The following PARD3B variants were observed in gnomAD, a reference collection of about 807,000 sequenced individuals.
PARD3B encodes par-3 family cell polarity regulator beta.
Under a neutral mutation model 130.2 loss-of-function variants are expected in PARD3B, and 103 were observed. That is an observed-to-expected ratio of 0.79 (90% CI 0.67 to 0.93). The LOEUF (loss-of-function observed/expected upper bound fraction) is 0.93, where lower values mean the gene tolerates loss of function less well. Among genes scored for constraint, PARD3B ranks in the 40% least tolerant of loss-of-function variants. PARD3B has a pLI of 0.00. For missense variants in PARD3B, 1,609 were observed against 1,499.2 expected, an observed-to-expected ratio of 1.07 and a Z score of -1.21; for synonymous variants, 583 against 553.2, an observed-to-expected ratio of 1.05 and a Z score of -0.76.
At chr2:205,394,737 C>T (rs541491153) in intron 18 of PARD3B, among the ~76,000 whole-genome samples, 1 of 152,284 alleles carries the variant, frequency 6.6e-6, no homozygotes, top group South Asian at 2.1e-4. Context: ...ATAAGCCAGA[C>T]ACAAACGAAT....
In PARD3B at chr2:205,301,316, A is replaced by G. The variant is rs2041988480; in HGVS notation, c.2393-148A>G. On this transcript the variant is annotated intron_variant, in intron 17 of 22. Coordinates refer to ENST00000406610, the MANE Select transcript of PARD3B (RefSeq NM_001302769.2). This position sits in a 1 kb window ranked among gnomAD's most constrained non-coding sequence, Gnocchi z 5.2. Reference sequence around the variant, plus strand: ...GAAGTAACCAGATTTAGGCAGTCAGATCTTCAAAGGGCGCACGTAACCACA... The same window carrying G: ...GAAGTAACCAGATTTAGGCAGTCAGGTCTTCAAAGGGCGCACGTAACCACA... 1 of 1,361,652 alleles carries G rather than the reference A, an allele frequency of 7.3e-7. No homozygotes were observed. Among genetic ancestry groups the G allele is most frequent in the South Asian group, 1.6e-5 (1 of 63,536 alleles). 84.3% of individuals were successfully genotyped at this position (1,361,652 alleles called of 1,614,324 possible).
intron 21 of PARD3B, among the ~76,000 whole-genome samples, chr2:205,548,352 A>G (rs1235734176): frequency 4.6e-5 from 7 of 152,094 alleles, no homozygotes; most frequent in Non-Finnish European, 1.0e-4. Flanking sequence ...GACATGTCTC[A>G]AGTCAGTTTA....
At chr2:205,145,766 G>C (rs1383381290) in intron 10 of PARD3B, among the ~76,000 whole-genome samples, 3 of 145,390 alleles carry the variant, frequency 2.1e-5, no homozygotes, top group Non-Finnish European at 3.0e-5. Flanking sequence ...TGCATACTCT[G>C]TCTCCCTCTC....
intron 10 of PARD3B, among the ~76,000 whole-genome samples, chr2:205,131,826 T>C (rs1331710336): frequency 6.6e-6 from 1 of 152,166 alleles, no homozygotes; most frequent in East Asian, 1.9e-4. Context: ...TAGTGCTATT[T>C]TGAATAAGTT....
chr2:205,458,677 A>G lies in PARD3B; in HGVS notation c.3044+18005A>G, dbSNP rs2048351729. ...GTCTAATAATGTCACTATCTGAATA[A>G]TGTCACTATCTGAACTGTGGGTCTG... is the stretch of plus-strand genomic sequence containing the variant. On this transcript the variant is annotated intron_variant, in intron 20 of 22. Coordinates refer to ENST00000406610, the MANE Select transcript of PARD3B (RefSeq NM_001302769.2). The surrounding 1 kb of genome is among the most constrained non-coding windows in gnomAD (Gnocchi z 4.8). Among the ~76,000 whole-genome samples, 1 of 152,138 alleles carries G rather than the reference A, an allele frequency of 6.6e-6. No homozygotes were observed. The highest frequency in any genetic ancestry group is 6.6e-5 in the Admixed American group (1 of 15,264).
At chr2:205,369,740 A>G (rs1483448744) in intron 18 of PARD3B, among the ~76,000 whole-genome samples, 1 of 152,186 alleles carries the variant, frequency 6.6e-6, no homozygotes, top group African/African-American at 2.4e-5. Flanking sequence ...ACTTGTTTGT[A>G]TGACTTTTTC....
At chr2:204,666,348 C>T (rs1056037220) in intron 1 of PARD3B, among the ~76,000 whole-genome samples, 2 of 152,122 alleles carry the variant, frequency 1.3e-5, no homozygotes, top group Non-Finnish European at 2.9e-5. Flanking sequence ...TAGAGAGATA[C>T]TCTCTAATAT....
At chr2:205,367,859 G>T (rs566651906) in intron 18 of PARD3B, among the ~76,000 whole-genome samples, 1 of 152,294 alleles carries the variant, frequency 6.6e-6, no homozygotes, top group East Asian at 1.9e-4. Context: ...AGTTTATGTG[G>T]TTAAGTCTAC....
chr2:205,288,775 T>C lies in PARD3B; in HGVS notation c.2186-11755T>C, dbSNP rs963820653. ...GTGCCTGTCCACCTCCTACTTCTCT[T>C]ACCTATATATCATCCATCTTCAAGG... On this transcript the variant is annotated intron_variant, in intron 16 of 22. Coordinates refer to ENST00000406610, the MANE Select transcript of PARD3B (RefSeq NM_001302769.2). The surrounding 1 kb of genome is among the most constrained non-coding windows in gnomAD (Gnocchi z 4.0). Among the ~76,000 whole-genome samples the C allele has an allele frequency of 1.3e-5, 2 of 152,200 alleles. No homozygotes were observed. The highest frequency in any genetic ancestry group is 4.8e-5 in the African/African-American group (2 of 41,460).
intron 3 of PARD3B, among the ~76,000 whole-genome samples, chr2:205,004,453 A>G (rs1296113003): frequency 6.6e-6 from 1 of 152,208 alleles, no homozygotes; most frequent in Non-Finnish European, 1.5e-5. Context: ...TCAGGCCCTA[A>G]GCATACACAG....
chr2:204,904,942 G>T (rs1176549375), intron 2 of PARD3B, among the ~76,000 whole-genome samples: 1 of 152,148 alleles, frequency 6.6e-6, no homozygotes, highest in Admixed American at 6.5e-5. Context: ...AATCACTGTT[G>T]TACTGCATTT....
chr2:205,112,233 A>G (rs1703695388), intron 5 of PARD3B, among the ~76,000 whole-genome samples: 1 of 152,142 alleles, frequency 6.6e-6, no homozygotes, highest in Non-Finnish European at 1.5e-5. Context: ...ATTTCATCAT[A>G]TTCCACAAAT....
At chr2:205,224,103 C>T (rs548538373) in intron 15 of PARD3B, among the ~76,000 whole-genome samples, 2 of 147,636 alleles carry the variant, frequency 1.4e-5, no homozygotes, top group East Asian at 2.0e-4. Context: ...GGCACGGTGG[C>T]TCACACCTGT....
intron 6 of PARD3B, 142 bp downstream of exon 6, chr2:205,113,719 C>T (rs1253115592): frequency 5.6e-6 from 3 of 539,930 alleles, no homozygotes; most frequent in East Asian, 3.2e-5. Context: ...CTGTTGGCCA[C>T]TTAAGTGTTG....
intron 2 of PARD3B, among the ~76,000 whole-genome samples, chr2:204,889,272 A>T (rs372663674): frequency 6.6e-6 from 1 of 152,138 alleles, no homozygotes; most frequent in Non-Finnish European, 1.5e-5. Context: ...TCTGCTCTTC[A>T]TGATCTCGAT....
chr2:204,706,148 A>T (rs1408263224), intron 2 of PARD3B, among the ~76,000 whole-genome samples: 1 of 152,086 alleles, frequency 6.6e-6, no homozygotes, highest in African/African-American at 2.4e-5. Context: ...TGAGAGGATC[A>T]TGAGGTCAGG....
intron 2 of PARD3B, among the ~76,000 whole-genome samples, chr2:204,918,908 A>G (rs940509317): frequency 2.0e-5 from 3 of 151,586 alleles, no homozygotes; most frequent in Non-Finnish European, 4.4e-5. Flanking sequence ...ATCCTTGTGA[A>G]TCACCATCCT....
chr2:205,519,435 T>C (rs906755693), intron 21 of PARD3B, among the ~76,000 whole-genome samples: 4 of 152,236 alleles, frequency 2.6e-5, no homozygotes, highest in Admixed American at 6.5e-5. Flanking sequence ...AGACCCATTA[T>C]GTTCTTTTTT....
chr2:205,475,255 G>T (rs2048986481), intron 20 of PARD3B, among the ~76,000 whole-genome samples: 2 of 152,034 alleles, frequency 1.3e-5, no homozygotes, highest in Non-Finnish European at 2.9e-5. Context: ...ATCAGAATCT[G>T]GACATTGCTA....
Sources: allele counts gnomAD v4.1 joint callset (sites outside exome capture counted in the v4.1 genomes callset), GRCh38; gene constraint gnomAD v4.1.1; non-coding constraint Gnocchi (gnomAD v3.1); transcripts MANE v1.5; gene names NCBI Gene and HGNC (gene_info 2026-07-23, HGNC 2026-07-21).